Variants in NBPF10 observed in about 807,000 individuals in gnomAD.
NBPF10 encodes NBPF member 10.
A neutral mutation model predicts 77.9 loss-of-function variants in NBPF10; 63 were observed. The ratio of observed to expected loss-of-function variants is 0.81; its 90% CI spans 0.66 to 1.00. The LOEUF is 1.00. Among genes scored for constraint, NBPF10 ranks in the 50% least tolerant of loss-of-function variants. The pLI, the probability that NBPF10 is intolerant of heterozygous loss-of-function variation, is 0.00. For missense variants in NBPF10, 522 were observed against 679.8 expected (o/e 0.77, Z 2.58); for synonymous variants, 146 against 264.5 (o/e 0.55, Z 4.35).
In NBPF10 at chr1:146,067,064, G is replaced by T. The variant is rs1655159238; in HGVS notation, c.11144+116C>A. The T allele has an allele frequency of 5.2e-6, 3 of 572,056 alleles. No homozygotes were observed. In the East Asian group the frequency reaches 9.0e-5, roughly 17 times the overall value. The allele number at this position is 572,056 out of a possible 1,614,324, so 35.4% of individuals were successfully genotyped here. On this transcript the variant is annotated intron_variant, in intron 89 of 89. Coordinates refer to ENST00000583866, the Ensembl canonical transcript of NBPF10. ...GCAATGAAAACCAACAGCAATGACA[G>T]TAGGAGTAATTCAGCCTTCGTTGAA...
intron 14 of NBPF10, among the ~76,000 whole-genome samples, chr1:146,125,845 C>G (rs587628458): frequency 6.6e-6 from 1 of 150,454 alleles, no homozygotes; most frequent in Non-Finnish European, 1.5e-5. Context: ...CTGCACTATT[C>G]AGCCCTGTCT....
chr1:146,126,185 C>G, intron 14 of NBPF10, 51 bp downstream of exon 14: 4 of 1,004,728 alleles, frequency 4.0e-6, no homozygotes, highest in Non-Finnish European at 3.2e-6. Flanking sequence ...GAATATGACC[C>G]TAACCAGAAG....
intron 19 of NBPF10, among the ~76,000 whole-genome samples, chr1:146,121,896 G>C (rs1448778345): frequency 1.3e-5 from 2 of 149,330 alleles, no homozygotes; most frequent in Non-Finnish European, 2.9e-5. Flanking sequence ...CAGAGACAGA[G>C]AGAAAGTGAC....
chr1:146,140,963 C>T (rs1553797132), intron 3 of NBPF10, among the ~76,000 whole-genome samples: 2 of 95,490 alleles, frequency 2.1e-5, no homozygotes, highest in African/African-American at 6.3e-5. Context: ...GTCCTCTATG[C>T]GTCATGAGAC....
In NBPF10 at chr1:146,136,467, C is replaced by G; in HGVS notation, c.989-12G>C. 2 of 1,612,220 alleles carry G rather than the reference C, an allele frequency of 1.2e-6. No individual in the cohort carries two copies. The highest frequency in any genetic ancestry group is 1.7e-6 in the Non-Finnish European group (2 of 1,179,810). ...GCACTCTTCATATTCTGAGAAAAGACAGACACACCTGCCTCAGTGGAAGGC... is the reference window on the plus strand; with the variant it reads ...GCACTCTTCATATTCTGAGAAAAGAGAGACACACCTGCCTCAGTGGAAGGC... On this transcript the variant is annotated splice_polypyrimidine_tract_variant and intron_variant, in intron 6 of 89. Coordinates refer to ENST00000583866, the Ensembl canonical transcript of NBPF10.
intron 14 of NBPF10, among the ~76,000 whole-genome samples, chr1:146,125,804 A>G (rs1159253633): frequency 2.7e-5 from 4 of 148,472 alleles, no homozygotes; most frequent in Non-Finnish European, 6.0e-5. Flanking sequence ...GATTTAAAGC[A>G]AATGCCCCCA....
At position 146,126,334 on chromosome 1, in the gene NBPF10, G is replaced by C. The variant is rs587689248; in HGVS notation, c.1928C>G (p.Pro643Arg). ...GTCAGTCAGTTCAAGACAACCTGAAGGAGTTGAATAACATCTATCCTGTGA... is the reference window on the plus strand; with the variant it reads ...GTCAGTCAGTTCAAGACAACCTGAACGAGTTGAATAACATCTATCCTGTGA... Residue 643 changes from proline to arginine, a missense_variant, in exon 14 of 90, where the codon CCT becomes CGT. Pro to Arg is a moderately radical substitution (Grantham distance 103). Around this residue, in one of 9 missense-constraint regions of NBPF10, gnomAD observed 178 missense variants for 77.7 expected, o/e 2.29. Transcript: ENST00000583866. 9.2e-4 allele frequency: 1,195 copies of C among 1,296,270 alleles called. 6 individuals are homozygous for C. The highest frequency in any genetic ancestry group is 1.2e-3 in the Non-Finnish European group (1,038 of 893,974). 80.3% of individuals were successfully genotyped at this position (1,296,270 alleles called of 1,614,324 possible). A position where few individuals can be genotyped will look rare whatever the true frequency, so the allele number is the denominator to read the frequency against.
At position 146,067,146 on chromosome 1, in the gene NBPF10, A is replaced by G. The variant is rs782318574; in HGVS notation, c.11144+34T>C. 7 of 624,286 alleles carry G rather than the reference A, an allele frequency of 1.1e-5. No individual in the cohort carries two copies. In the African/African-American group the frequency reaches 1.2e-4, roughly 11 times the overall value. The allele number at this position is 624,286 out of a possible 1,614,324, so 38.7% of individuals were successfully genotyped here. A position where few individuals can be genotyped will look rare whatever the true frequency, so the allele number is the denominator to read the frequency against. On this transcript the variant is annotated intron_variant, in intron 89 of 89. Transcript: ENST00000583866. ...GAATCTGTTGCCTCCAGGTGTTAAC[A>G]CAGAACTAAGGATCCACAATTGCTG...
intron 11 of NBPF10, among the ~76,000 whole-genome samples, chr1:146,129,426 A>G (rs1302804547): frequency 1.4e-5 from 2 of 142,362 alleles, no homozygotes; most frequent in South Asian, 2.2e-4. Flanking sequence ...GAAATGAAGC[A>G]AGAAGAGAAG....
chr1:146,080,949 A>T (rs1656234127), intron 71 of NBPF10, among the ~76,000 whole-genome samples, 172 bp from the exon 72 acceptor site: 1 of 63,546 alleles, frequency 1.6e-5, no homozygotes, highest in Admixed American at 1.8e-4. Flanking sequence ...GCCAAATGGA[A>T]AAGAATGAAA....
rs782032116 is a variant in NBPF10 at position 146,144,778 on chromosome 1, T to C, written c.-9A>G. ...CCGGCTGATACCACCATGCTGACGTTTGTGGCAGAAGAGGTGGAGTCAGGG... is the reference window on the plus strand; with the variant it reads ...CCGGCTGATACCACCATGCTGACGTCTGTGGCAGAAGAGGTGGAGTCAGGG... On this transcript the variant is annotated 5_prime_UTR_variant, in exon 1 of 90. Transcript: ENST00000583866. The C allele has an allele frequency of 4.2e-6, 3 of 713,402 alleles. 1 individual carries two copies. The highest frequency in any genetic ancestry group is 7.4e-5 in the Admixed American group (2 of 27,146). 44.2% of individuals were successfully genotyped at this position (713,402 alleles called of 1,614,324 possible).
At chr1:146,067,756 T>C (rs375570188) in intron 88 of NBPF10, among the ~76,000 whole-genome samples, 33 of 151,098 alleles carry the variant, frequency 2.2e-4, no homozygotes, top group Non-Finnish European at 2.9e-5. Flanking sequence ...CCAGGTCCAA[T>C]GTCATGAGAA....
chr1:146,066,622 G>A lies in NBPF10; in HGVS notation c.11145-61C>T, dbSNP rs377614889. On this transcript the variant is annotated intron_variant, in intron 89 of 89. Coordinates refer to ENST00000583866, the Ensembl canonical transcript of NBPF10. ...GAAAATCAGACACCACAGAGCCCCAGCTAGATTTCAGAAGCAACATAAGGA... is the reference window on the plus strand; with the variant it reads ...GAAAATCAGACACCACAGAGCCCCAACTAGATTTCAGAAGCAACATAAGGA... 4,791 of 525,696 alleles carry A rather than the reference G, an allele frequency of 9.1e-3. 27 individuals carry two copies. Among genetic ancestry groups the A allele is most frequent in the African/African-American group, 0.03 (1,291 of 43,748 alleles). The allele number at this position is 525,696 out of a possible 1,614,324, so 32.6% of individuals were successfully genotyped here.
At chr1:146,067,026 C>T (rs1482852148) in intron 89 of NBPF10, among the ~76,000 whole-genome samples, 154 bp downstream of exon 89, 1 of 142,634 alleles carries the variant, frequency 7.0e-6, no homozygotes, top group Admixed American at 7.4e-5. Flanking sequence ...AAATGGAAAC[C>T]TAAACATCTA....
At chr1:146,069,484 A>G in intron 86 of NBPF10, 59 bp downstream of exon 86, 2 of 706,272 alleles carry the variant, frequency 2.8e-6, no homozygotes, top group Non-Finnish European at 2.4e-6. Context: ...TGCAGTAGGA[A>G]TATGACCCTA....
rs1433091246 is a variant in NBPF10 at position 146,125,973 on chromosome 1, A to G, written c.2026+263T>C. ...AAAATCAGAGTTGTGTGAATTTGTC[A>G]TATCTGCCCAGATCCAACATCTTGA... On this transcript the variant is annotated intron_variant, in intron 14 of 89. Coordinates refer to ENST00000583866, the Ensembl canonical transcript of NBPF10. Among the ~76,000 whole-genome samples, 5 of 151,622 alleles carry G rather than the reference A, an allele frequency of 3.3e-5. 1 individual carries two copies. The highest frequency in any genetic ancestry group is 7.4e-5 in the Non-Finnish European group (5 of 67,860).
chr1:146,126,030 G>C (rs1273945583), intron 14 of NBPF10, among the ~76,000 whole-genome samples: 1 of 151,768 alleles, frequency 6.6e-6, no homozygotes, highest in African/African-American at 2.4e-5. Context: ...GGCATGGCCT[G>C]AGACTAGGAA....
intron 19 of NBPF10, among the ~76,000 whole-genome samples, 182 bp from the exon 20 acceptor site, chr1:146,121,852 G>C (rs1553788675): frequency 2.7e-5 from 4 of 148,572 alleles, no homozygotes; most frequent in Admixed American, 2.7e-4. Context: ...AACAATGAAA[G>C]AGAAAGACAG....
chr1:146,126,599 A>ACACACACACT (rs1658707451), intron 13 of NBPF10, among the ~76,000 whole-genome samples, 191 bp from the exon 14 acceptor site: 1 of 27,440 alleles, frequency 3.6e-5, no homozygotes, highest in Non-Finnish European at 1.3e-4. Context: ...CGAGAAAGAC[A>ACACACACACT]CACACACACA....
Sources: gnomAD v4.1 joint callset for allele counts (sites outside exome capture counted in the v4.1 genomes callset) on GRCh38, gnomAD v4.1.1 for gene constraint, gnomAD v4.1.1 regional missense constraint, MANE v1.5 for transcripts, NCBI Gene and HGNC (gene_info 2026-07-23, HGNC 2026-07-21) for gene names.